CHRM3: variants seen among roughly 807,000 people sequenced by gnomAD.
The protein encoded by CHRM3 is muscarinic acetylcholine receptor M3.
In CHRM3, 11 loss-of-function variants were observed where a neutral mutation model predicts 41.8. That is an observed-to-expected ratio of 0.26 (90% confidence interval 0.17 to 0.44). CHRM3 has a LOEUF of 0.44. Ranked by LOEUF, CHRM3 falls within the 20% of genes least tolerant of loss-of-function variation. The pLI is 1.00. For synonymous variants in CHRM3, 297 were observed against 301.4 expected (o/e 0.99, Z 0.15); for missense variants, 571 against 745.4 (o/e 0.77, Z 2.72).
chr1:239,886,327 T>A (rs1678068617), intron 6 of CHRM3: 1 of 152,166 alleles, frequency 6.6e-6, no homozygotes, highest in African/African-American at 2.4e-5. Flanking sequence ...CAAAGACCAG[T>A]GATACTGCTT....
At chr1:239,728,636 T>C (rs567917963) in intron 5 of CHRM3, among the ~76,000 whole-genome samples, 1 of 152,128 alleles carries the variant, frequency 6.6e-6, no homozygotes, top group Middle Eastern at 3.4e-3. Context: ...CTCATGTAGC[T>C]GAAGGTGGTG....
At chr1:239,397,107 T>C (rs918426186) in intron 1 of CHRM3, among the ~76,000 whole-genome samples, 1 of 152,222 alleles carries the variant, frequency 6.6e-6, no homozygotes, top group South Asian at 2.1e-4. Context: ...GCTATACTTA[T>C]GTCTTTAGGC....
At chr1:239,578,258 G>A (rs1208169394) in intron 3 of CHRM3, among the ~76,000 whole-genome samples, 2 of 152,058 alleles carry the variant, frequency 1.3e-5, no homozygotes, top group African/African-American at 4.8e-5. Context: ...GTGTCTTGTG[G>A]CTTTGCAGTT....
chr1:239,486,821 C>T (rs748867047), intron 1 of CHRM3, among the ~76,000 whole-genome samples: 7 of 152,172 alleles, frequency 4.6e-5, no homozygotes, highest in Non-Finnish European at 1.0e-4. Context: ...TGGCACTGCC[C>T]TCTACTGCTG....
At chr1:239,765,547 A>G (rs1667131807) in intron 5 of CHRM3, among the ~76,000 whole-genome samples, 1 of 152,212 alleles carries the variant, frequency 6.6e-6, no homozygotes, top group African/African-American at 2.4e-5. Context: ...CGAAAATCCA[A>G]CTGGTTGAAT....
chr1:239,776,501 A>C (rs368345617), intron 5 of CHRM3, among the ~76,000 whole-genome samples: 1 of 152,094 alleles, frequency 6.6e-6, no homozygotes, highest in Admixed American at 6.6e-5. Context: ...GCCACACCCC[A>C]TATTTTCCTT....
chr1:239,559,595 A>G (rs113771824), intron 3 of CHRM3, among the ~76,000 whole-genome samples: 9 of 152,320 alleles, frequency 5.9e-5, no homozygotes, highest in African/African-American at 2.2e-4. Context: ...ATTTCAAGAG[A>G]GAGCCTGATG....
chr1:239,761,837 G>A (rs867057138), intron 5 of CHRM3, among the ~76,000 whole-genome samples: 5 of 152,094 alleles, frequency 3.3e-5, no homozygotes, highest in African/African-American at 1.2e-4. Flanking sequence ...GAATTTCCTC[G>A]CTTTGCCACT....
chr1:239,569,558 TG>T (rs1661650467), intron 3 of CHRM3, among the ~76,000 whole-genome samples: 1 of 152,232 alleles, frequency 6.6e-6, no homozygotes, highest in Non-Finnish European at 1.5e-5. Context: ...CCTTGGAAAG[TG>T]ATCATATCTT....
At chr1:239,844,442 C>T (rs1674098057) in intron 6 of CHRM3, among the ~76,000 whole-genome samples, 1 of 152,152 alleles carries the variant, frequency 6.6e-6, no homozygotes, top group South Asian at 2.1e-4. Flanking sequence ...GGTGATAGCA[C>T]ACCCCATCTC....
intron 4 of CHRM3, among the ~76,000 whole-genome samples, chr1:239,633,452 G>C (rs569993942): frequency 6.6e-6 from 1 of 152,116 alleles, no homozygotes; most frequent in Admixed American, 6.5e-5. Context: ...ATTACGGTTC[G>C]AGATGATATT....
chr1:239,441,511 G>A (rs930068464), intron 1 of CHRM3, among the ~76,000 whole-genome samples: 1 of 152,202 alleles, frequency 6.6e-6, no homozygotes, highest in South Asian at 2.1e-4. Flanking sequence ...AATTTAGGGT[G>A]TAGGAATTAA....
At chr1:239,897,353 A>G (rs1459710175) in intron 6 of CHRM3, among the ~76,000 whole-genome samples, 1 of 152,228 alleles carries the variant, frequency 6.6e-6, no homozygotes, top group Non-Finnish European at 1.5e-5. Context: ...TCATGAAAGC[A>G]TAAATATTAA....
chr1:239,829,129 T>A (rs1672700929), intron 6 of CHRM3, among the ~76,000 whole-genome samples: 1 of 152,192 alleles, frequency 6.6e-6, no homozygotes, highest in Non-Finnish European at 1.5e-5. Flanking sequence ...TAAAGCAGAG[T>A]GAAGTTAATG....
At chr1:239,569,309 G>T (rs542104376) in intron 3 of CHRM3, among the ~76,000 whole-genome samples, 1 of 152,236 alleles carries the variant, frequency 6.6e-6, no homozygotes, top group East Asian at 1.9e-4. Context: ...AAGCTTTCAA[G>T]ATCTCTAAAG....
chr1:239,586,243 T>A lies in CHRM3; in HGVS notation c.-313+40494T>A, dbSNP rs200560274. On this transcript the variant is annotated intron_variant, in intron 3 of 6. Coordinates refer to ENST00000676153, the MANE Select transcript of CHRM3 (RefSeq NM_001375978.1). ...AAAATTATATAGGTGTTTTTTGTTT[T>A]TTGTTTATTTTTATTTTTTATTTAT... is the stretch of plus-strand genomic sequence containing the variant. Among the ~76,000 whole-genome samples the A allele has an allele frequency of 9.6e-5, 9 of 93,982 alleles. No homozygotes were observed. In the Admixed American group the frequency reaches 1.1e-3, roughly 11 times the overall value. 61.7% of individuals were successfully genotyped at this position (93,982 alleles called of 152,430 possible). A position where few individuals can be genotyped will look rare whatever the true frequency, so the allele number is the denominator to read the frequency against.
At chr1:239,834,310 CTTTTTTTTT>C (rs71168857) in intron 6 of CHRM3, among the ~76,000 whole-genome samples, 14 of 118,294 alleles carry the variant, frequency 1.2e-4, no homozygotes, top group Admixed American at 2.6e-4. Context: ...AACTTAATGC[CTTTTTTTTT>C]TTTTTTTTTT....
At chr1:239,775,686 G>A (rs1052498148) in intron 5 of CHRM3, among the ~76,000 whole-genome samples, 6 of 152,162 alleles carry the variant, frequency 3.9e-5, no homozygotes, top group African/African-American at 9.7e-5. Flanking sequence ...GGAAATCGTG[G>A]AATAGCATCA....
intron 1 of CHRM3, among the ~76,000 whole-genome samples, chr1:239,431,485 C>A (rs1423194809): frequency 6.6e-6 from 1 of 152,150 alleles, no homozygotes; most frequent in Non-Finnish European, 1.5e-5. Context: ...AATTTTTTCT[C>A]TAAAAGCTAT....
Sources: gnomAD v4.1 joint callset for allele counts (sites outside exome capture counted in the v4.1 genomes callset) on GRCh38, gnomAD v4.1.1 for gene constraint, MANE v1.5 for transcripts, NCBI Gene and HGNC (gene_info 2026-07-23, HGNC 2026-07-21) for gene names.